The following CNOT11 variants were observed in gnomAD, a reference collection of about 807,000 sequenced individuals.
CNOT11 encodes the protein CCR4-NOT transcription complex subunit 11.
In CNOT11, 18 loss-of-function variants were observed where a neutral mutation model predicts 44.6. The observed-to-expected ratio is 0.40, with a 90% confidence interval of 0.28 to 0.60. CNOT11 has a LOEUF of 0.60. CNOT11 is among the 20% of genes least tolerant of loss of function. The pLI, the probability that CNOT11 is intolerant of heterozygous loss-of-function variation, is 0.38. For missense variants in CNOT11, 513 were observed against 677.0 expected, an observed-to-expected ratio of 0.76 and a Z score of 2.69; for synonymous variants, 291 against 270.9, an observed-to-expected ratio of 1.07 and a Z score of -0.73.
chr2:101,256,093 C>T (rs997577323), intron 1 of CNOT11, among the ~76,000 whole-genome samples: 3 of 150,954 alleles, frequency 2.0e-5, no homozygotes, highest in African/African-American at 4.9e-5. Flanking sequence ...GAGCTGAGAT[C>T]GCGCCACTGC....
At chr2:101,266,137 AG>A (rs1681976582) in intron 4 of CNOT11, among the ~76,000 whole-genome samples, 2 of 152,222 alleles carry the variant, frequency 1.3e-5, no homozygotes, top group Admixed American at 6.5e-5. Context: ...TGAATTACAA[AG>A]TGTGGGTGTG....
At chr2:101,258,564 G>T (rs1681784819) in intron 2 of CNOT11, among the ~76,000 whole-genome samples, 2 of 151,342 alleles carry the variant, frequency 1.3e-5, no homozygotes, top group African/African-American at 2.4e-5. Flanking sequence ...TTTAAGTTTT[G>T]ATTGGAAGAC....
At chr2:101,256,989 C>G (rs1206630723) in intron 1 of CNOT11, among the ~76,000 whole-genome samples, 3 of 151,550 alleles carry the variant, frequency 2.0e-5, no homozygotes, top group Admixed American at 1.3e-4. Flanking sequence ...GCAGAGCTTG[C>G]AGTGAGCCGA....
Position 101,270,193 on chromosome 2 carries a change from C to T in CNOT11, c.*780C>T, listed in dbSNP as rs184924911. 4.3e-4 allele frequency: 65 copies of T among 152,434 alleles called. No homozygotes were observed. The highest frequency in any genetic ancestry group is 1.5e-3 in the African/African-American group (62 of 41,422). 9.4% of individuals were successfully genotyped at this position (152,434 alleles called of 1,614,324 possible). A position where few individuals can be genotyped will look rare whatever the true frequency, so the allele number is the denominator to read the frequency against. On this transcript the variant is annotated 3_prime_UTR_variant, in exon 7 of 7. Transcript: ENST00000289382. ...TAATTTCCTGTGGGGTCTGCACCCT[C>T]CTGTCTGGGTGGTGGATGTGGGTTT...
chr2:101,255,363 C>T (rs1010842880), intron 1 of CNOT11, among the ~76,000 whole-genome samples: 10 of 152,076 alleles, frequency 6.6e-5, no homozygotes, highest in East Asian at 1.9e-4. Context: ...GGCGCGGTGG[C>T]GGGCGCCTGT....
intron 2 of CNOT11, among the ~76,000 whole-genome samples, chr2:101,259,787 C>T (rs1681811613): frequency 6.6e-6 from 1 of 152,110 alleles, no homozygotes; most frequent in Admixed American, 6.5e-5. Context: ...CCTATAATCC[C>T]AGCAGTTTGG....
chr2:101,268,359 A>G (rs976269685), intron 5 of CNOT11, among the ~76,000 whole-genome samples: 1 of 152,240 alleles, frequency 6.6e-6, no homozygotes, highest in African/African-American at 2.4e-5. Context: ...TTTGGCCCTG[A>G]GTCCAAGATG....
intron 5 of CNOT11, among the ~76,000 whole-genome samples, chr2:101,267,878 G>C (rs1236328337): frequency 6.6e-6 from 1 of 152,106 alleles, no homozygotes; most frequent in Admixed American, 6.6e-5. Context: ...CTCCTGTATG[G>C]GGAAATCCAT....
In CNOT11 at chr2:101,253,063, C is replaced by A. The variant is rs1681656164; in HGVS notation, c.99C>A (p.Gly33=). The part of the protein sequence containing the change: ...REAAGSASRS[G]FGGSGGGRGG... ...CGGCAGGGTCGGCGTCCAGGAGCGG[C>A]TTCGGGGGCTCCGGCGGCGGCAGAG... Residue 33 remains glycine, a synonymous_variant, in exon 1 of 7, where the codon GGC becomes GGA. Coordinates refer to ENST00000289382, the MANE Select transcript of CNOT11 (RefSeq NM_017546.5). The surrounding 1 kb of genome is among the most constrained non-coding windows in gnomAD (Gnocchi z 4.3). The A allele has an allele frequency of 6.6e-7, 1 of 1,516,682 alleles. No individual in the cohort carries two copies. Among genetic ancestry groups the A allele is most frequent in the East Asian group, 2.7e-5 (1 of 37,372 alleles). 94.0% of individuals were successfully genotyped at this position (1,516,682 alleles called of 1,614,324 possible).
chr2:101,262,713 T>C, intron 3 of CNOT11, 22 bp downstream of exon 3: 1 of 1,600,852 alleles, frequency 6.2e-7, no homozygotes, highest in South Asian at 1.1e-5. Flanking sequence ...TAAATTAATT[T>C]ATACTCTTTG....
chr2:101,262,100 G>A (rs1455886591), intron 2 of CNOT11, among the ~76,000 whole-genome samples: 2 of 151,796 alleles, frequency 1.3e-5, no homozygotes, highest in African/African-American at 2.4e-5. Context: ...TGCCTGCCTC[G>A]GCCTCCCAAA....
chr2:101,256,425 G>A (rs560195903), intron 1 of CNOT11, among the ~76,000 whole-genome samples: 2 of 152,270 alleles, frequency 1.3e-5, no homozygotes, highest in East Asian at 1.9e-4. Flanking sequence ...AGTAGAGGGG[G>A]CAGGAGTAGT....
chr2:101,255,948 G>A (rs753337745), intron 1 of CNOT11, among the ~76,000 whole-genome samples: 5 of 152,064 alleles, frequency 3.3e-5, no homozygotes, highest in Admixed American at 6.6e-5. Context: ...AGCCAGCCTG[G>A]CCAACATGAC....
rs1682059925 is a variant in CNOT11, at chr2:101,269,395, G to A, written c.1515G>A (p.Glu505=). 2 of 1,613,912 alleles carry A rather than the reference G, an allele frequency of 1.2e-6. No homozygotes were observed. Among genetic ancestry groups the A allele is most frequent in the South Asian group, 2.2e-5 (2 of 91,072 alleles). Residue 505 remains glutamate (E), a synonymous_variant, in exon 7 of 7, where the codon GAG becomes GAA. Transcript: ENST00000289382. This position sits in a 1 kb window ranked among gnomAD's most constrained non-coding sequence, Gnocchi z 4.8. ...TGGATACTGGGGAAACACCTTCTGA[G>A]ACCAAAATGTCAAAATAATACCTCA... The part of the protein sequence containing the change: ...KTLDTGETPS[E]TKMSK
chr2:101,255,204 C>T (rs1213995605), intron 1 of CNOT11, among the ~76,000 whole-genome samples: 1 of 152,128 alleles, frequency 6.6e-6, no homozygotes, highest in Non-Finnish European at 1.5e-5. Context: ...AATAAAAGTA[C>T]CTGTGAGTGG....
chr2:101,257,429 A>C (rs569161393), intron 1 of CNOT11, among the ~76,000 whole-genome samples: 1 of 151,212 alleles, frequency 6.6e-6, no homozygotes, highest in South Asian at 2.1e-4. Context: ...GCAGCTTGGC[A>C]GTCAAAGACA....
At chr2:101,264,518 C>T (rs1389043554) in intron 3 of CNOT11, among the ~76,000 whole-genome samples, 5 of 152,154 alleles carry the variant, frequency 3.3e-5, no homozygotes, top group African/African-American at 7.2e-5. Context: ...AGACTTCACC[C>T]GTTTAGGAGT....
At chr2:101,264,351 C>G (rs541964315) in intron 3 of CNOT11, among the ~76,000 whole-genome samples, 20 of 152,314 alleles carry the variant, frequency 1.3e-4, no homozygotes, top group African/African-American at 4.6e-4. Context: ...CAAAAGGCAA[C>G]CATACTTTTC....
chr2:101,255,533 A>T (rs1681719580), intron 1 of CNOT11, among the ~76,000 whole-genome samples: 1 of 152,058 alleles, frequency 6.6e-6, no homozygotes, highest in South Asian at 2.1e-4. Flanking sequence ...ACCCACTATT[A>T]TACCATTATT....
Sources: allele counts gnomAD v4.1 joint callset (sites outside exome capture counted in the v4.1 genomes callset), GRCh38; gene constraint gnomAD v4.1.1; non-coding constraint Gnocchi (gnomAD v3.1); transcripts MANE v1.5; gene names NCBI Gene and HGNC (gene_info 2026-07-23, HGNC 2026-07-21).